The following PRELID2 variants were observed in gnomAD, a reference collection of about 807,000 sequenced individuals.
PRELID2 encodes the protein PRELI domain-containing protein 2.
PRELID2 carries 25 observed loss-of-function variants against 28.4 expected under a neutral mutation model. The ratio of observed to expected loss-of-function variants is 0.88; its 90% CI spans 0.64 to 1.23. The LOEUF (loss-of-function observed/expected upper bound fraction) is 1.23. PRELID2 is among the 50% of genes most tolerant of loss of function. PRELID2 has a pLI of 0.00. For synonymous variants in PRELID2, 76 were observed against 71.6 expected (o/e 1.06, Z -0.31); for missense variants, 201 against 214.4 (o/e 0.94, Z 0.39).
the PRELID2 span, among the ~76,000 whole-genome samples, chr5:145,395,004 C>T: frequency 2.0e-5 from 3 of 152,012 alleles, no homozygotes; most frequent in African/African-American, 7.2e-5. Context: ...CCTGAAATTG[C>T]CATGTTATTC....
At chr5:145,817,498 G>A (rs1233778290) in intron 4 of PRELID2, among the ~76,000 whole-genome samples, 5 of 140,106 alleles carry the variant, frequency 3.6e-5, no homozygotes, top group Non-Finnish European at 6.2e-5. Context: ...AAAAAGAAGT[G>A]CACAATTTAC....
chr5:145,606,220 T>C (rs1753502711), intron 1 of PRELID2, among the ~76,000 whole-genome samples: 1 of 152,076 alleles, frequency 6.6e-6, no homozygotes, highest in African/African-American at 2.4e-5. Context: ...CAAACAGAGA[T>C]AGTTTGACAT....
At chr5:145,426,939 G>T in the PRELID2 span, among the ~76,000 whole-genome samples, 1 of 152,200 alleles carries the variant, frequency 6.6e-6, no homozygotes, top group Non-Finnish European at 1.5e-5. Context: ...CCAAAGACAA[G>T]CAGTTTACCC....
chr5:145,564,669 G>A (rs890681670), intron 1 of PRELID2, among the ~76,000 whole-genome samples: 2 of 152,144 alleles, frequency 1.3e-5, no homozygotes, highest in African/African-American at 4.8e-5. Context: ...GACTTCATGT[G>A]AGCAGAAGCA....
At chr5:145,553,042 C>T (rs1249116858) in intron 1 of PRELID2, among the ~76,000 whole-genome samples, 1 of 152,132 alleles carries the variant, frequency 6.6e-6, no homozygotes, top group Non-Finnish European at 1.5e-5. Flanking sequence ...TTGCTATGTA[C>T]TGGACAATGG....
At chr5:145,676,220 C>CAAAAA (rs34833967) in intron 1 of PRELID2, among the ~76,000 whole-genome samples, 3 of 53,594 alleles carry the variant, frequency 5.6e-5, no homozygotes, top group Non-Finnish European at 1.3e-4. Context: ...AACTCCATCT[C>CAAAAA]AAAAAAAAAA....
At chr5:145,778,033 G>C (rs531016897) in intron 5 of PRELID2, among the ~76,000 whole-genome samples, 2 of 152,320 alleles carry the variant, frequency 1.3e-5, no homozygotes, top group African/African-American at 4.8e-5. Context: ...AGGGCCTGAA[G>C]GCTGGGGGCG....
chr5:145,344,412 A>G, the PRELID2 span, among the ~76,000 whole-genome samples: 18 of 152,012 alleles, frequency 1.2e-4, no homozygotes, highest in African/African-American at 4.3e-4. Context: ...CATATGATTT[A>G]TTTTATCATA....
intron 1 of PRELID2, among the ~76,000 whole-genome samples, chr5:145,743,775 C>G (rs1756909802): frequency 6.6e-6 from 1 of 152,234 alleles, no homozygotes; most frequent in South Asian, 2.1e-4. Context: ...CTCTCAGCCT[C>G]TCAGCTGGAA....
chr5:145,648,839 C>CATATA, intron 1 of PRELID2, among the ~76,000 whole-genome samples: 1 of 150,096 alleles, frequency 6.7e-6, no homozygotes, highest in Non-Finnish European at 1.5e-5. Context: ...ACATAATATA[C>CATATA]ATATACATTT....
the PRELID2 span, among the ~76,000 whole-genome samples, chr5:145,367,958 A>G: frequency 6.6e-6 from 1 of 151,990 alleles, no homozygotes; most frequent in Non-Finnish European, 1.5e-5. Context: ...ATAAGGAGCC[A>G]CATTGCTTAA....
the PRELID2 span, among the ~76,000 whole-genome samples, chr5:145,412,831 A>T: frequency 6.9e-3 from 1,054 of 152,288 alleles, 8 homozygotes; most frequent in African/African-American, 0.024. Flanking sequence ...GGCCTCAGGA[A>T]ACTTACAATC....
chr5:145,299,377 C>T, the PRELID2 span, among the ~76,000 whole-genome samples: 5 of 152,126 alleles, frequency 3.3e-5, no homozygotes, highest in African/African-American at 1.2e-4. Context: ...AGATCAATTG[C>T]TATTACTCTA....
Position 145,800,335 on chromosome 5 carries a change from C to CACACAT in PRELID2, c.369-3789_369-3788insATGTGT, listed in dbSNP as rs10677473. On this transcript the variant is annotated intron_variant, in intron 4 of 6. Transcript: ENST00000683046. The stretch of plus-strand genomic sequence containing the variant: ...ACACACACACACACACACACACACA[C>CACACAT]GAGTTATCCCATCCACTCTGACATA... 1.7e-3 allele frequency among the ~76,000 whole-genome samples: 251 copies of CACACAT among 150,270 alleles called. 1 individual carries two copies. The highest frequency in any genetic ancestry group is 5.7e-3 in the African/African-American group (233 of 40,820).
At chr5:145,578,588 T>G (rs1753081860) in intron 1 of PRELID2, among the ~76,000 whole-genome samples, 1 of 152,120 alleles carries the variant, frequency 6.6e-6, no homozygotes, top group South Asian at 2.1e-4. Context: ...GAAAGCATTT[T>G]GGGTGACTGA....
chr5:145,733,332 T>C (rs1029601644), intron 1 of PRELID2, among the ~76,000 whole-genome samples: 2 of 152,104 alleles, frequency 1.3e-5, no homozygotes, highest in African/African-American at 4.8e-5. Flanking sequence ...CATAAATCCA[T>C]TCTCTAGCCT....
At chr5:145,235,783 C>A in the PRELID2 span, among the ~76,000 whole-genome samples, 1 of 151,986 alleles carries the variant, frequency 6.6e-6, no homozygotes, top group African/African-American at 2.4e-5. Context: ...ATATCCCAGG[C>A]AAAGGGAAGA....
intron 1 of PRELID2, among the ~76,000 whole-genome samples, chr5:145,495,936 G>C (rs1019707291): frequency 6.6e-6 from 1 of 152,110 alleles, no homozygotes; most frequent in Admixed American, 6.6e-5. Flanking sequence ...TGAGTCACCG[G>C]AGAATGAGTC....
At chr5:145,819,866 CA>C (rs869189075) in intron 3 of PRELID2, 78 bp downstream of exon 3, 2 of 857,400 alleles carry the variant, frequency 2.3e-6, no homozygotes, top group Non-Finnish European at 3.7e-6. Flanking sequence ...TCCTTTACAT[CA>C]GAAAATGCTG....
Sources: gnomAD v4.1 joint callset for allele counts (sites outside exome capture counted in the v4.1 genomes callset) on GRCh38, gnomAD v4.1.1 for gene constraint, MANE v1.5 for transcripts, NCBI Gene and HGNC (gene_info 2026-07-23, HGNC 2026-07-21) for gene names.